Variants in WDR25 observed in about 807,000 individuals in gnomAD.
WDR25 encodes the protein WD repeat domain 25.
Under a neutral mutation model 47.7 loss-of-function variants are expected in WDR25, and 35 were observed. The ratio of observed to expected loss-of-function variants is 0.73; its 90% confidence interval spans 0.56 to 0.97. The LOEUF is 0.97. WDR25 is among the 50% of genes least tolerant of loss of function. The pLI is 0.00. For synonymous variants in WDR25, 248 were observed against 278.9 expected (o/e 0.89, Z 1.10); for missense variants, 634 against 704.7 (o/e 0.90, Z 1.14).
At chr14:100,510,444 A>T (rs1901268841) in intron 4 of WDR25, among the ~76,000 whole-genome samples, 1 of 151,600 alleles carries the variant, frequency 6.6e-6, no homozygotes, top group East Asian at 2.0e-4. Context: ...ATTTAAAAAA[A>T]ATTTCTTTTG....
chr14:100,426,262 C>T (rs1351827656), intron 2 of WDR25, among the ~76,000 whole-genome samples: 1 of 152,202 alleles, frequency 6.6e-6, no homozygotes, highest in Non-Finnish European at 1.5e-5. Flanking sequence ...TCTGCAATTA[C>T]ACTTTTCTTT....
At chr14:100,379,085 C>G (rs971912065) in intron 1 of WDR25, among the ~76,000 whole-genome samples, 3 of 151,376 alleles carry the variant, frequency 2.0e-5, no homozygotes, top group African/African-American at 7.3e-5. Context: ...ACCATGGATC[C>G]TGGACGTCTT....
chr14:100,393,547 G>A (rs1354775958), intron 2 of WDR25, among the ~76,000 whole-genome samples: 2 of 152,214 alleles, frequency 1.3e-5, no homozygotes, highest in Non-Finnish European at 2.9e-5. Flanking sequence ...GGAGGGGAAC[G>A]AGGTGTATTC....
chr14:100,527,262 CCAT>C (rs1334511168), intron 5 of WDR25, among the ~76,000 whole-genome samples: 4 of 151,762 alleles, frequency 2.6e-5, no homozygotes, highest in Admixed American at 2.0e-4. Context: ...TGTCACACCA[CCAT>C]CACCACCGTG....
intron 1 of WDR25, among the ~76,000 whole-genome samples, chr14:100,379,464 T>C (rs1397127891): frequency 9.3e-5 from 14 of 150,280 alleles, no homozygotes; most frequent in Non-Finnish European, 1.3e-4. Flanking sequence ...CTCAGCTCAC[T>C]GCAACCTCCA....
intron 4 of WDR25, among the ~76,000 whole-genome samples, chr14:100,508,149 A>T (rs935574346): frequency 2.6e-5 from 4 of 152,218 alleles, no homozygotes; most frequent in African/African-American, 7.2e-5. Flanking sequence ...GATTCACCAC[A>T]TAAACAGAAT....
intron 4 of WDR25, among the ~76,000 whole-genome samples, chr14:100,509,197 G>A (rs182779771): frequency 1.3e-5 from 2 of 152,084 alleles, no homozygotes; most frequent in African/African-American, 4.8e-5. Flanking sequence ...AAGACATCTG[G>A]ACACAAGACT....
intron 2 of WDR25, among the ~76,000 whole-genome samples, chr14:100,413,886 C>T (rs1897789046): frequency 6.6e-6 from 1 of 152,124 alleles, no homozygotes; most frequent in Non-Finnish European, 1.5e-5. Flanking sequence ...CCATTTATCC[C>T]TTTTTATTGC....
At position 100,502,940 on chromosome 14, in the gene WDR25, AGTGTGTGTCTGTGAGT is replaced by A. The variant is rs1398708075; in HGVS notation, c.1101+18829_1101+18844del. ...GGTTTTTTGTTGCTGGAGAACACGC[AGTGTGTGTCTGTGAGT>A]GTGTGTGTCTGTATGTGTGTCGGTG... On this transcript the variant is annotated intron_variant, in intron 4 of 6. Coordinates refer to ENST00000402312, the MANE Select transcript of WDR25 (RefSeq NM_001161476.3). This position sits in a 1 kb window ranked among gnomAD's most constrained non-coding sequence, Gnocchi z 4.5. 2.1e-4 allele frequency among the ~76,000 whole-genome samples: 32 copies of A among 151,288 alleles called. No individual in the cohort carries two copies. The highest frequency in any genetic ancestry group is 7.1e-4 in the African/African-American group (29 of 40,890).
At position 100,502,876 on chromosome 14, in the gene WDR25, G is replaced by A. The variant is rs1466365930; in HGVS notation, c.1101+18752G>A. 2.0e-5 allele frequency among the ~76,000 whole-genome samples: 3 copies of A among 152,146 alleles called. No homozygotes were observed. The highest frequency in any genetic ancestry group is 2.9e-5 in the Non-Finnish European group (2 of 68,018). On this transcript the variant is annotated intron_variant, in intron 4 of 6. Coordinates refer to ENST00000402312, the MANE Select transcript of WDR25 (RefSeq NM_001161476.3). This position sits in a 1 kb window ranked among gnomAD's most constrained non-coding sequence, Gnocchi z 4.5. ...AGGCATAAGGAATGTATAAAGGCAC[G>A]TAGGCACTAAAGGGCACAACATATG...
At chr14:100,448,778 C>T (rs972448422) in intron 2 of WDR25, among the ~76,000 whole-genome samples, 6 of 152,004 alleles carry the variant, frequency 3.9e-5, no homozygotes, top group Non-Finnish European at 5.9e-5. Flanking sequence ...GGAAAAACAA[C>T]GCAGCCTACC....
intron 4 of WDR25, among the ~76,000 whole-genome samples, chr14:100,507,419 G>GT (rs1403901018): frequency 1.3e-5 from 2 of 152,106 alleles, no homozygotes; most frequent in African/African-American, 4.8e-5. Flanking sequence ...TTTTAGAGCA[G>GT]TTTTTTCTAG....
At chr14:100,459,892 GTGTA>G (rs1322166972) in intron 2 of WDR25, among the ~76,000 whole-genome samples, 5 of 35,188 alleles carry the variant, frequency 1.4e-4, no homozygotes, top group Non-Finnish European at 2.3e-4. Flanking sequence ...ATGTGTGTGT[GTGTA>G]TATATATATA....
intron 2 of WDR25, among the ~76,000 whole-genome samples, chr14:100,391,523 GT>G (rs1209402028): frequency 6.6e-6 from 1 of 152,102 alleles, no homozygotes; most frequent in Non-Finnish European, 1.5e-5. Context: ...AAAAAGAAAT[GT>G]TGTTTTTGAC....
At chr14:100,380,467 C>T (rs2140134701) in intron 1 of WDR25, among the ~76,000 whole-genome samples, 1 of 151,560 alleles carries the variant, frequency 6.6e-6, no homozygotes, top group East Asian at 1.9e-4. Context: ...GTAGAAAAGC[C>T]TTTTTTGTTT....
At chr14:100,444,091 G>A (rs963092737) in intron 2 of WDR25, among the ~76,000 whole-genome samples, 4 of 152,216 alleles carry the variant, frequency 2.6e-5, no homozygotes, top group Non-Finnish European at 5.9e-5. Context: ...ACCAGCAGCT[G>A]TGGCCTCAGG....
At chr14:100,402,167 A>G (rs1897398675) in intron 2 of WDR25, among the ~76,000 whole-genome samples, 1 of 152,154 alleles carries the variant, frequency 6.6e-6, no homozygotes, top group Non-Finnish European at 1.5e-5. Flanking sequence ...GGTAAAGGGA[A>G]AGCTTTCTGT....
At chr14:100,396,614 A>G (rs1897265598) in intron 2 of WDR25, among the ~76,000 whole-genome samples, 1 of 152,244 alleles carries the variant, frequency 6.6e-6, no homozygotes, top group Admixed American at 6.5e-5. Flanking sequence ...TCACAAAGGC[A>G]TGTGGGATGG....
intron 1 of WDR25, among the ~76,000 whole-genome samples, chr14:100,377,688 G>A (rs1233470482): frequency 6.6e-6 from 1 of 152,132 alleles, no homozygotes; most frequent in East Asian, 1.9e-4. Flanking sequence ...GGCATTACTA[G>A]AGGAGGCTGA....
Sources: gnomAD v4.1 joint callset for allele counts (sites outside exome capture counted in the v4.1 genomes callset) on GRCh38, gnomAD v4.1.1 for gene constraint, Gnocchi (gnomAD v3.1) non-coding constraint, MANE v1.5 for transcripts, NCBI Gene and HGNC (gene_info 2026-07-23, HGNC 2026-07-21) for gene names.